The following NT5DC1 variants were observed in gnomAD, a reference collection of about 807,000 sequenced individuals.
NT5DC1 encodes 5'-nucleotidase domain-containing protein 1.
A neutral mutation model predicts 59.4 loss-of-function variants in NT5DC1; 42 were observed. That is an observed-to-expected ratio of 0.71 (90% CI 0.55 to 0.92). The LOEUF is 0.92. NT5DC1 is among the 40% of genes least tolerant of loss of function. The pLI is 0.00. For missense variants in NT5DC1, 501 were observed against 537.1 expected (o/e 0.93, Z 0.66); for synonymous variants, 172 against 188.1 (o/e 0.91, Z 0.70).
intron 6 of NT5DC1, among the ~76,000 whole-genome samples, chr6:116,139,763 C>T (rs1475321790): frequency 6.6e-6 from 1 of 152,006 alleles, no homozygotes; most frequent in Non-Finnish European, 1.5e-5. Context: ...CAGTTTTTTG[C>T]TTAAAAGGCA....
At position 116,121,173 on chromosome 6, in the gene NT5DC1, G is replaced by A. The variant is rs766976151; in HGVS notation, c.529+3228G>A. The A allele has an allele frequency of 2.0e-5, 32 of 1,613,070 alleles. No homozygotes were observed. Among genetic ancestry groups the A allele is most frequent in the Non-Finnish European group, 2.7e-5 (32 of 1,179,644 alleles). On this transcript the variant is annotated intron_variant, in intron 6 of 11. Transcript: ENST00000319550. ...CCTTTGGCACCTGGACCCCCAGGAA[G>A]GCCAGCAGGTCCTCTTTCTCCCTTC... is the stretch of plus-strand genomic sequence containing the variant.
At chr6:116,101,931 A>G (rs1778665979) in intron 1 of NT5DC1, among the ~76,000 whole-genome samples, 2 of 152,236 alleles carry the variant, frequency 1.3e-5, no homozygotes, top group Admixed American at 6.5e-5. Context: ...AGCTTAGGAC[A>G]CCAGCTCCAC....
chr6:116,228,083 T>C (rs781314783), intron 8 of NT5DC1, among the ~76,000 whole-genome samples: 18 of 152,266 alleles, frequency 1.2e-4, no homozygotes, highest in Non-Finnish European at 1.6e-4. Flanking sequence ...TCTGTGGTTT[T>C]AGAGATGAAA....
intron 6 of NT5DC1, among the ~76,000 whole-genome samples, chr6:116,199,109 C>G (rs1273737829): frequency 1.3e-5 from 2 of 151,874 alleles, no homozygotes; most frequent in Non-Finnish European, 2.9e-5. Flanking sequence ...CCAAATGTCC[C>G]TGGGGGGTGA....
intron 6 of NT5DC1, among the ~76,000 whole-genome samples, chr6:116,139,563 A>G (rs1779711801): frequency 1.3e-5 from 2 of 152,156 alleles, no homozygotes; most frequent in Non-Finnish European, 2.9e-5. Flanking sequence ...TAATAAGTGT[A>G]TTGGAATATT....
At chr6:116,191,789 A>C (rs1781124016) in intron 6 of NT5DC1, among the ~76,000 whole-genome samples, 1 of 152,044 alleles carries the variant, frequency 6.6e-6, no homozygotes, top group South Asian at 2.1e-4. Flanking sequence ...AAGTGTGTAT[A>C]TTGATGTACA....
At chr6:116,230,831 G>A (rs148178992) in intron 8 of NT5DC1, among the ~76,000 whole-genome samples, 422 of 152,298 alleles carry the variant, frequency 2.8e-3, no homozygotes, top group Non-Finnish European at 4.5e-3. Flanking sequence ...GTGCTGAGGG[G>A]TGCAGCTGTC....
intron 6 of NT5DC1, among the ~76,000 whole-genome samples, chr6:116,218,548 T>A (rs1781731686): frequency 6.6e-6 from 1 of 152,182 alleles, no homozygotes; most frequent in East Asian, 1.9e-4. Flanking sequence ...ACTTCTCTAT[T>A]CTTAGCCATT....
intron 6 of NT5DC1, chr6:116,121,111 A>G: frequency 6.2e-7 from 1 of 1,613,640 alleles, no homozygotes; most frequent in Non-Finnish European, 8.5e-7. Flanking sequence ...GTCCAGTCAG[A>G]CCTGGCTTCC....
intron 6 of NT5DC1, among the ~76,000 whole-genome samples, chr6:116,124,275 T>C (rs1294146708): frequency 6.6e-6 from 1 of 152,076 alleles, no homozygotes; most frequent in Non-Finnish European, 1.5e-5. Context: ...TTATTTACAG[T>C]ATAAAATATA....
At chr6:116,181,033 AT>A (rs1291227737) in intron 6 of NT5DC1, among the ~76,000 whole-genome samples, 1 of 151,976 alleles carries the variant, frequency 6.6e-6, no homozygotes, top group Non-Finnish European at 1.5e-5. Flanking sequence ...ACTTAAAGGT[AT>A]TTTGGGATGA....
chr6:116,160,526 C>T lies in NT5DC1; in HGVS notation c.529+42581C>T, dbSNP rs79163200. Among the ~76,000 whole-genome samples, 867 of 152,090 alleles carry T rather than the reference C, an allele frequency of 5.7e-3. 17 individuals are homozygous for T. Among genetic ancestry groups the T allele is most frequent in the South Asian group, 0.046 (223 of 4,830 alleles). ...TTACAGATTCTGGATATTAGTCCTTCTGTCAGATGCATAGTTTGCAAATAT... is the reference window on the plus strand; with the variant it reads ...TTACAGATTCTGGATATTAGTCCTTTTGTCAGATGCATAGTTTGCAAATAT... On this transcript the variant is annotated intron_variant, in intron 6 of 11. Transcript: ENST00000319550.
intron 6 of NT5DC1, among the ~76,000 whole-genome samples, chr6:116,147,292 A>G (rs1273817763): frequency 1.3e-5 from 2 of 151,942 alleles, no homozygotes; most frequent in Non-Finnish European, 2.9e-5. Flanking sequence ...AAATACAAAA[A>G]GTAGCTGGGC....
rs370386418 is a variant in NT5DC1 at position 116,106,287 on chromosome 6, G to A, written c.137G>A (p.Gly46Glu). The A allele has an allele frequency of 1.3e-6, 2 of 1,593,944 alleles. No individual in the cohort carries two copies. The highest frequency in any genetic ancestry group is 1.7e-6 in the Non-Finnish European group (2 of 1,162,814). The change falls in exon 2 of 12, where the codon GGG (glycine) becomes GAG (glutamate). Residue 46 changes from glycine (G) to glutamate (E), a missense_variant. Gly to Glu is a moderately conservative substitution (Grantham distance 98, BLOSUM62 -2). Transcript: ENST00000319550. ...SFAQFLVKEK[G>E]YDKELLNVTP... ...GCCCAGTTCCTAGTTAAGGAGAAAG[G>A]GTACGATAAGGAATTGCTCAATGTG...
chr6:116,128,225 G>T (rs574287557), intron 6 of NT5DC1, among the ~76,000 whole-genome samples: 1 of 152,030 alleles, frequency 6.6e-6, no homozygotes, highest in Admixed American at 6.6e-5. Flanking sequence ...AACCCTTTTT[G>T]CAAATAGTGT....
At chr6:116,153,586 T>G (rs527259932) in intron 6 of NT5DC1, among the ~76,000 whole-genome samples, 56 of 152,264 alleles carry the variant, frequency 3.7e-4, no homozygotes, top group Non-Finnish European at 6.0e-4. Context: ...TTAGTTAGGC[T>G]TCAGGAATAT....
intron 6 of NT5DC1, among the ~76,000 whole-genome samples, chr6:116,220,384 C>T (rs1204797): frequency 0.43 from 64,616 of 151,956 alleles, 17,699 homozygotes; most frequent in African/African-American, 0.78. Flanking sequence ...TGGAGCTCAG[C>T]CAGACCCCGT....
At chr6:116,235,641 G>T (rs991347385) in intron 8 of NT5DC1, among the ~76,000 whole-genome samples, 1 of 152,190 alleles carries the variant, frequency 6.6e-6, no homozygotes, top group African/African-American at 2.4e-5. Flanking sequence ...TTTCATTTCA[G>T]TTATAATGAT....
At chr6:116,218,560 A>G (rs1442628164) in intron 6 of NT5DC1, among the ~76,000 whole-genome samples, 1 of 152,140 alleles carries the variant, frequency 6.6e-6, no homozygotes, top group African/African-American at 2.4e-5. Context: ...TTAGCCATTT[A>G]GATTTATTAT....
Sources: gnomAD v4.1 joint callset for allele counts (sites outside exome capture counted in the v4.1 genomes callset) on GRCh38, gnomAD v4.1.1 for gene constraint, MANE v1.5 for transcripts, NCBI Gene and HGNC (gene_info 2026-07-23, HGNC 2026-07-21) for gene names.